The following RALGAPB variants were observed in gnomAD, a reference collection of about 807,000 sequenced individuals.
RALGAPB encodes the protein ral GTPase-activating protein subunit beta.
A neutral mutation model predicts 161.1 loss-of-function variants in RALGAPB; 25 were observed. That is an observed-to-expected ratio of 0.16 (90% CI 0.11 to 0.22). RALGAPB has a LOEUF of 0.22. Ranked by LOEUF, RALGAPB falls within the 10% of genes least tolerant of loss-of-function variation. RALGAPB has a pLI of 1.00. For synonymous variants in RALGAPB, 629 were observed against 626.1 expected (o/e 1.00, Z -0.07); for missense variants, 1,391 against 1,815.2 (o/e 0.77, Z 4.25).
intron 2 of RALGAPB, among the ~76,000 whole-genome samples, chr20:38,492,222 C>T (rs1023582713): frequency 2.6e-5 from 4 of 152,114 alleles, no homozygotes; most frequent in Non-Finnish European, 5.9e-5. Context: ...TGACTTGGGC[C>T]AGATTATTTA....
At chr20:38,562,297 T>TG (rs2087812004) in intron 23 of RALGAPB, among the ~76,000 whole-genome samples, 1 of 152,114 alleles carries the variant, frequency 6.6e-6, no homozygotes, top group South Asian at 2.1e-4. Flanking sequence ...TATCTCTACT[T>TG]TATGGATTAA....
At chr20:38,499,385 G>T (rs753352868) in intron 4 of RALGAPB, 62 bp from the exon 5 acceptor site, 36 of 1,411,088 alleles carry the variant, frequency 2.6e-5, no homozygotes, top group Middle Eastern at 1.9e-4. Context: ...CCAAATCAGT[G>T]TCTTAAAGAT....
chr20:38,514,532 C>G (rs805555), intron 6 of RALGAPB, among the ~76,000 whole-genome samples: 151,506 of 152,362 alleles, frequency 0.99, 75,332 homozygotes, highest in East Asian at 1. Context: ...TGAGCTGCGA[C>G]TGGGTAGAAG....
chr20:38,553,925 T>C lies in RALGAPB; in HGVS notation c.3221T>C (p.Ile1074Thr). The C allele has an allele frequency of 6.2e-7, 1 of 1,612,620 alleles. No individual in the cohort carries two copies. The highest frequency in any genetic ancestry group is 8.5e-7 in the Non-Finnish European group (1 of 1,179,648). ...SGMAQQIAYEIHLEQQSEEEL... is the reference protein window; with the variant it reads ...SGMAQQIAYETHLEQQSEEEL... ...ATGGCCCAGCAGATTGCTTATGAAA[T>C]ACACCTTGAGCAACAGAGTGAGGAG... The change falls in exon 22 of 30, where the codon ATA becomes ACA. Residue 1074 changes from isoleucine to threonine, a missense_variant. By Grantham distance (89) the Ile-to-Thr change is moderately conservative. Transcript: ENST00000262879.
At chr20:38,503,281 A>G (rs984030625) in intron 5 of RALGAPB, among the ~76,000 whole-genome samples, 4 of 152,348 alleles carry the variant, frequency 2.6e-5, no homozygotes, top group African/African-American at 7.2e-5. Context: ...AACATTATAC[A>G]TAGATTTTTC....
At chr20:38,477,565 T>C (rs1239691062) in intron 1 of RALGAPB, among the ~76,000 whole-genome samples, 1 of 152,206 alleles carries the variant, frequency 6.6e-6, no homozygotes, top group Non-Finnish European at 1.5e-5. Flanking sequence ...TCAATGGGAC[T>C]GCAACAGCAA....
chr20:38,554,610 T>G (rs924892493), intron 22 of RALGAPB, among the ~76,000 whole-genome samples: 5 of 152,210 alleles, frequency 3.3e-5, no homozygotes, highest in Non-Finnish European at 5.9e-5. Context: ...GAGTTTCTCA[T>G]CTTGTCTTAG....
intron 14 of RALGAPB, among the ~76,000 whole-genome samples, chr20:38,532,421 C>G (rs1319242596): frequency 6.6e-6 from 1 of 152,058 alleles, no homozygotes; most frequent in Non-Finnish European, 1.5e-5. Context: ...CTAGGGTATT[C>G]TTTTTAAGGA....
rs370601933 is a variant in RALGAPB, at chr20:38,569,928, G to A, written c.3995G>A (p.Arg1332His). ...SSRMRKLPQG[R>H]PVPPLGPETR... ...AGAATGAGGAAGCTGCCTCAGGGTC[G>A]CCCTGTTCCTCCCCTTGGACCTGAG... Residue 1332 changes from arginine (R) to histidine (H), a missense_variant, in exon 27 of 30, where the codon CGC becomes CAC. By Grantham distance (29) the Arg-to-His change is conservative. This residue lies in a region of RALGAPB where 436 missense variants were observed against 527.0 expected (regional missense o/e 0.83). Coordinates refer to ENST00000262879, the MANE Select transcript of RALGAPB (RefSeq NM_020336.4). The A allele has an allele frequency of 8.1e-6, 13 of 1,613,258 alleles. No homozygotes were observed. The Middle Eastern group carries it at 4.9e-4, about 61-fold the overall frequency.
At chr20:38,520,383 G>T in intron 9 of RALGAPB, 2 of 323,270 alleles carry the variant, frequency 6.2e-6, no homozygotes, top group Non-Finnish European at 8.9e-6. Flanking sequence ...TTGCACTTGG[G>T]AAGAAAAATA....
chr20:38,502,336 CT>C (rs1211407753), intron 5 of RALGAPB, among the ~76,000 whole-genome samples: 1 of 152,160 alleles, frequency 6.6e-6, no homozygotes, highest in Non-Finnish European at 1.5e-5. Context: ...TACTGTAAAC[CT>C]GGAATAAGTA....
chr20:38,549,878 C>A (rs1254420276), intron 20 of RALGAPB, among the ~76,000 whole-genome samples: 1 of 151,788 alleles, frequency 6.6e-6, no homozygotes, highest in Non-Finnish European at 1.5e-5. Flanking sequence ...GCTTTTATTT[C>A]TGCTATTAAA....
chr20:38,556,452 A>G lies in RALGAPB; in HGVS notation c.3373-1843A>G, dbSNP rs542475833. Among the ~76,000 whole-genome samples the G allele has an allele frequency of 2.0e-5, 3 of 152,226 alleles. No individual in the cohort carries two copies. The South Asian group carries it at 6.2e-4, about 32-fold the overall frequency. On this transcript the variant is annotated intron_variant, in intron 22 of 29. Coordinates refer to ENST00000262879, the MANE Select transcript of RALGAPB (RefSeq NM_020336.4). ...AGGTAGTATGACTTCTAGTTTGACAACCGTAAGAAAATCAATAAAATATTT... is the reference window on the plus strand; with the variant it reads ...AGGTAGTATGACTTCTAGTTTGACAGCCGTAAGAAAATCAATAAAATATTT...
intron 13 of RALGAPB, among the ~76,000 whole-genome samples, chr20:38,530,661 A>G (rs1309964687): frequency 2.0e-5 from 3 of 150,798 alleles, no homozygotes; most frequent in East Asian, 3.9e-4. Flanking sequence ...CAGTGGTGCA[A>G]TTTCGGCTCA....
chr20:38,474,985 T>G (rs747591747), intron 1 of RALGAPB, among the ~76,000 whole-genome samples: 1 of 152,250 alleles, frequency 6.6e-6, no homozygotes, highest in African/African-American at 2.4e-5. Context: ...ATTCTAGTTA[T>G]GTTCAGCAAT....
At chr20:38,564,445 T>A (rs2087909599) in intron 24 of RALGAPB, among the ~76,000 whole-genome samples, 6 of 152,210 alleles carry the variant, frequency 3.9e-5, no homozygotes. Context: ...GAATTAGGTA[T>A]CTTCCAATTT....
At chr20:38,507,527 C>T (rs2085798500) in intron 5 of RALGAPB, among the ~76,000 whole-genome samples, 1 of 152,022 alleles carries the variant, frequency 6.6e-6, no homozygotes, top group Non-Finnish European at 1.5e-5. Flanking sequence ...AGGTTCATGC[C>T]ACCACGCCCA....
At chr20:38,562,759 TC>T (rs913619823) in intron 24 of RALGAPB, 62 bp downstream of exon 24, 3 of 1,469,632 alleles carry the variant, frequency 2.0e-6, no homozygotes, top group Non-Finnish European at 2.8e-6. Context: ...TTTTTTTTTT[TC>T]CCCCTTTACT....
intron 15 of RALGAPB, among the ~76,000 whole-genome samples, chr20:38,533,815 G>A (rs1219963266): frequency 1.3e-5 from 2 of 152,110 alleles, no homozygotes; most frequent in African/African-American, 2.4e-5. Flanking sequence ...TATTTTTCAT[G>A]CTTTCTGAAA....
Sources: allele counts gnomAD v4.1 joint callset (sites outside exome capture counted in the v4.1 genomes callset), GRCh38; gene constraint gnomAD v4.1.1; regional missense constraint gnomAD v4.1.1; transcripts MANE v1.5; gene names NCBI Gene and HGNC (gene_info 2026-07-23, HGNC 2026-07-21).